The following ST7 variants were observed in gnomAD, a reference collection of about 807,000 sequenced individuals.
The protein encoded by ST7 is suppressor of tumorigenicity 7 protein.
In ST7, 28 loss-of-function variants were observed where a neutral mutation model predicts 78.7. The observed-to-expected ratio is 0.36, with a 90% CI of 0.26 to 0.49. The LOEUF (loss-of-function observed/expected upper bound fraction) is 0.49. Among genes scored for constraint, ST7 ranks in the 20% least tolerant of loss-of-function variants. The pLI, the probability that ST7 is intolerant of heterozygous loss-of-function variation, is 0.99. For missense variants in ST7, 418 were observed against 696.0 expected, an observed-to-expected ratio of 0.60 and a Z score of 4.49; for synonymous variants, 247 against 249.6, an observed-to-expected ratio of 0.99 and a Z score of 0.10.
At chr7:117,212,738 A>G (rs1262669815) in intron 13 of ST7, among the ~76,000 whole-genome samples, 1 of 152,196 alleles carries the variant, frequency 6.6e-6, no homozygotes, top group Non-Finnish European at 1.5e-5. Context: ...TTCAACAAGC[A>G]TAAATATGCA....
At chr7:117,024,459 T>C (rs1796092111) in intron 1 of ST7, among the ~76,000 whole-genome samples, 2 of 152,326 alleles carry the variant, frequency 1.3e-5, no homozygotes, top group East Asian at 3.9e-4. Flanking sequence ...GTGGTGGGAA[T>C]TGTGCCCTGG....
At chr7:117,181,331 T>C (rs765661406) in intron 10 of ST7, among the ~76,000 whole-genome samples, 10 of 152,086 alleles carry the variant, frequency 6.6e-5, no homozygotes, top group Non-Finnish European at 1.3e-4. Flanking sequence ...CAGTGAAGAA[T>C]GATGATAGGG....
chr7:117,170,406 T>A (rs1807898430), intron 9 of ST7, among the ~76,000 whole-genome samples: 1 of 152,198 alleles, frequency 6.6e-6, no homozygotes, highest in South Asian at 2.1e-4. Flanking sequence ...AGTATTATAC[T>A]TTAAAAATAC....
intron 10 of ST7, chr7:117,187,445 C>T (rs768173894): frequency 2.0e-5 from 3 of 152,006 alleles, no homozygotes; most frequent in East Asian, 1.9e-4. Flanking sequence ...GTACTGTAGT[C>T]GTCATAATGT....
chr7:117,043,126 T>C (rs1376949617), intron 1 of ST7, among the ~76,000 whole-genome samples: 4 of 152,226 alleles, frequency 2.6e-5, no homozygotes, highest in East Asian at 1.9e-4. Context: ...TGAGTTTTCA[T>C]TGAATCATCA....
At chr7:117,185,902 G>A (rs939555103) in intron 10 of ST7, among the ~76,000 whole-genome samples, 3 of 152,088 alleles carry the variant, frequency 2.0e-5, no homozygotes, top group South Asian at 2.1e-4. Flanking sequence ...TAGCCTGGGC[G>A]ACAGAGCGAG....
In ST7 at chr7:117,080,222, C is replaced by T. The variant is rs573940638; in HGVS notation, c.152-19540C>T. Among the ~76,000 whole-genome samples the T allele has an allele frequency of 1.6e-4, 24 of 151,988 alleles. 1 individual carries two copies. In the South Asian group the frequency reaches 1.7e-3, roughly 11 times the overall value. On this transcript the variant is annotated intron_variant, in intron 1 of 15. Coordinates refer to ENST00000323984, the MANE Select transcript of ST7 (RefSeq NM_001369598.1). ...GTCTCGATCTCCTGACCTCGTGATC[C>T]GCTTGTCATTCCATTTTTCAGTGAT... is the stretch of plus-strand genomic sequence containing the variant.
At chr7:117,205,753 A>G (rs1397111641) in intron 12 of ST7, among the ~76,000 whole-genome samples, 1 of 152,178 alleles carries the variant, frequency 6.6e-6, no homozygotes, top group Non-Finnish European at 1.5e-5. Flanking sequence ...GTGGAGGCTG[A>G]CACAAATAGA....
chr7:117,203,187 A>T (rs1217756181), intron 12 of ST7, among the ~76,000 whole-genome samples: 3 of 152,234 alleles, frequency 2.0e-5, no homozygotes, highest in Non-Finnish European at 2.9e-5. Flanking sequence ...CAGGTCATGA[A>T]GGCCTTTTAC....
At chr7:117,079,215 A>T (rs1799571852) in intron 1 of ST7, among the ~76,000 whole-genome samples, 1 of 152,196 alleles carries the variant, frequency 6.6e-6, no homozygotes, top group African/African-American at 2.4e-5. Context: ...TGTATTAGGT[A>T]TTATGAGTAA....
chr7:117,220,015 TC>T (rs1792971071), intron 14 of ST7, among the ~76,000 whole-genome samples: 1 of 152,198 alleles, frequency 6.6e-6, no homozygotes, highest in African/African-American at 2.4e-5. Flanking sequence ...TTAGCTCTTC[TC>T]CCTTCTCTGT....
At chr7:117,177,077 C>G (rs2117301444) in intron 10 of ST7, among the ~76,000 whole-genome samples, 1 of 152,332 alleles carries the variant, frequency 6.6e-6, no homozygotes, top group Non-Finnish European at 1.5e-5. Flanking sequence ...ATGGCTGTGG[C>G]TTCATGCCTG....
At chr7:117,178,106 G>C (rs1367148415) in intron 10 of ST7, among the ~76,000 whole-genome samples, 1 of 152,140 alleles carries the variant, frequency 6.6e-6, no homozygotes, top group Non-Finnish European at 1.5e-5. Flanking sequence ...TTTGTTGCCT[G>C]ATATAATTTG....
intron 9 of ST7, among the ~76,000 whole-genome samples, chr7:117,153,801 G>A (rs1296999416): frequency 6.6e-6 from 1 of 152,206 alleles, no homozygotes; most frequent in Admixed American, 6.5e-5. Context: ...TCTCCCGAAT[G>A]TGAGGTAAGA....
chr7:117,173,108 C>A (rs1273199117), intron 10 of ST7, among the ~76,000 whole-genome samples: 1 of 152,152 alleles, frequency 6.6e-6, no homozygotes, highest in Non-Finnish European at 1.5e-5. Flanking sequence ...TTGAAAAATT[C>A]TTTTGTTGCA....
chr7:117,024,387 C>T (rs914112550), intron 1 of ST7, among the ~76,000 whole-genome samples: 2 of 152,110 alleles, frequency 1.3e-5, no homozygotes, highest in Admixed American at 1.3e-4. Context: ...CTCAGTCCTC[C>T]TCTTGTCTCC....
At chr7:117,202,493 C>T (rs1810969236) in intron 12 of ST7, among the ~76,000 whole-genome samples, 1 of 152,148 alleles carries the variant, frequency 6.6e-6, no homozygotes, top group Non-Finnish European at 1.5e-5. Flanking sequence ...AAGGAGCTCA[C>T]ATTATTCTAG....
intron 1 of ST7, among the ~76,000 whole-genome samples, chr7:117,062,770 G>A (rs2116453119): frequency 6.6e-6 from 1 of 152,300 alleles, no homozygotes; most frequent in Middle Eastern, 3.4e-3. Context: ...TACTCTGTAT[G>A]TCAAACATTG....
At chr7:117,169,823 T>TC (rs766824540) in intron 9 of ST7, among the ~76,000 whole-genome samples, 1 of 116,434 alleles carries the variant, frequency 8.6e-6, no homozygotes, top group African/African-American at 5.1e-5. Context: ...TTTTTTTTTT[T>TC]GTCCTGAGTA....
Sources: gnomAD v4.1 joint callset for allele counts (sites outside exome capture counted in the v4.1 genomes callset) on GRCh38, gnomAD v4.1.1 for gene constraint, MANE v1.5 for transcripts, NCBI Gene and HGNC (gene_info 2026-07-23, HGNC 2026-07-21) for gene names.